The following KDM3A variants were observed in gnomAD, a reference collection of about 807,000 sequenced individuals.
KDM3A encodes the protein lysine demethylase 3A.
Under a neutral mutation model 158.0 loss-of-function variants are expected in KDM3A, and 60 were observed. The ratio of observed to expected loss-of-function variants is 0.38; its 90% CI spans 0.31 to 0.47. The LOEUF is 0.47. KDM3A is among the 20% of genes least tolerant of loss of function. The probability of loss-of-function intolerance (pLI) is 0.99; values close to 1 mark genes in which losing one functional copy is unlikely to be tolerated. For synonymous variants in KDM3A, 608 were observed against 549.3 expected (o/e 1.11, Z -1.49); for missense variants, 1,319 against 1,574.3 (o/e 0.84, Z 2.74).
intron 2 of KDM3A, among the ~76,000 whole-genome samples, chr2:86,442,983 C>G (rs1049775241): frequency 6.6e-6 from 1 of 152,090 alleles, no homozygotes; most frequent in South Asian, 2.1e-4. Flanking sequence ...GAACCTTTTT[C>G]TGTTAGATCT....
In KDM3A at chr2:86,489,346, T is replaced by A; in HGVS notation, c.3342T>A (p.Tyr1114Ter). Residue 1114 changes from tyrosine to a stop codon, truncating the protein, a stop_gained, in exon 22 of 26, where the codon TAT becomes TAA. Transcript: ENST00000312912. LOFTEE classifies it high-confidence loss of function. The part of the protein sequence containing the change: ...YGLITPEDRK[Y>*]GTTNLHLDVS... Reference sequence around the variant, plus strand: ...TAATCACTCCTGAAGATCGGAAATATGGAACAACAAATCTTCACTTAGATG... The same window carrying A: ...TAATCACTCCTGAAGATCGGAAATAAGGAACAACAAATCTTCACTTAGATG... The A allele has an allele frequency of 6.2e-7, 1 of 1,613,910 alleles. No individual in the cohort carries two copies. The highest frequency in any genetic ancestry group is 8.5e-7 in the Non-Finnish European group (1 of 1,179,908).
chr2:86,441,971 C>T (rs529431175), intron 1 of KDM3A, 47 bp from the exon 2 acceptor site: 76 of 1,525,758 alleles, frequency 5.0e-5, no homozygotes, highest in Non-Finnish European at 6.2e-5. Flanking sequence ...CGCCCGGCCC[C>T]CTCCCACCGG....
Position 86,478,695 on chromosome 2 carries a change from A to G in KDM3A, c.2276A>G (p.Lys759Arg). The G allele has an allele frequency of 6.2e-7, 1 of 1,614,150 alleles. No individual in the cohort carries two copies. The highest frequency in any genetic ancestry group is 8.5e-7 in the Non-Finnish European group (1 of 1,179,972). Residue 759 changes from lysine (K) to arginine (R), a missense_variant, in exon 15 of 26, where the codon AAA (lysine) becomes AGA (arginine). Around this residue, in one of 4 missense-constraint regions of KDM3A, gnomAD observed 368 missense variants for 415.8 expected, o/e 0.89. Coordinates refer to ENST00000312912, the MANE Select transcript of KDM3A (RefSeq NM_018433.6). Reference protein sequence around the residue: ...ANCPCSNRQFKLFSKPASKED... With the variant: ...ANCPCSNRQFRLFSKPASKED... ...TGCCCTTGTTCAAACAGGCAATTCA[A>G]ACTCTTTTCAAAGCCAGCCTCAAAG...
intron 4 of KDM3A, among the ~76,000 whole-genome samples, chr2:86,453,832 T>C (rs748824029): frequency 3.9e-5 from 6 of 152,130 alleles, no homozygotes; most frequent in African/African-American, 2.4e-5. Context: ...GTGGGAAAAA[T>C]GGATGACCCA....
intron 8 of KDM3A, among the ~76,000 whole-genome samples, chr2:86,460,267 C>A (rs1045526162): frequency 6.6e-6 from 1 of 152,274 alleles, no homozygotes; most frequent in African/African-American, 2.4e-5. Context: ...CTTGTAGCCT[C>A]CTTGATTCCC....
chr2:86,490,850 T>C (rs777476744), intron 23 of KDM3A, 31 bp from the exon 24 acceptor site: 1 of 1,574,268 alleles, frequency 6.4e-7, no homozygotes, highest in Non-Finnish European at 8.7e-7. Flanking sequence ...AGCATGTTAC[T>C]GAGTTGCATA....
At chr2:86,446,474 G>T (rs377743849) in intron 2 of KDM3A, among the ~76,000 whole-genome samples, 1 of 152,144 alleles carries the variant, frequency 6.6e-6, no homozygotes, top group Non-Finnish European at 1.5e-5. Context: ...AGGCCAAGAC[G>T]GGTGGATCAT....
chr2:86,486,178 A>G (rs2104708637), intron 21 of KDM3A, among the ~76,000 whole-genome samples: 1 of 152,308 alleles, frequency 6.6e-6, no homozygotes, highest in South Asian at 2.1e-4. Context: ...GAGAGAATGT[A>G]CTTTTATTAG....
chr2:86,444,276 T>G (rs1172553648), intron 2 of KDM3A, among the ~76,000 whole-genome samples: 1 of 152,198 alleles, frequency 6.6e-6, no homozygotes, highest in Non-Finnish European at 1.5e-5. Flanking sequence ...CCACTGCACT[T>G]TGGTGCCTAA....
At chr2:86,442,327 G>C (rs1040112498) in intron 2 of KDM3A, 94 bp downstream of exon 2, 32 of 1,220,728 alleles carry the variant, frequency 2.6e-5, no homozygotes, top group Non-Finnish European at 3.7e-5. Context: ...TGAAAACGGA[G>C]ACCAGAAAGT....
chr2:86,464,183 C>T lies in KDM3A; in HGVS notation c.974C>T (p.Ser325Phe), dbSNP rs200618359. The T allele has an allele frequency of 4.9e-5, 79 of 1,609,538 alleles. No homozygotes were observed. In the East Asian group the frequency reaches 1.3e-3, roughly 26 times the overall value. ...RQQSTPQAAN[S>F]PPNLGAKIPQ... is the part of the protein sequence containing the mutation. ...CAAAGTACTCCCCAGGCTGCCAACT[C>T]TCCACCTAACCTTGGAGCAAAAATT... Residue 325 changes from serine (S) to phenylalanine (F), a missense_variant, in exon 9 of 26, where the codon TCT (serine) becomes TTT (phenylalanine). Around this residue, in one of 4 missense-constraint regions of KDM3A, gnomAD observed 652 missense variants for 627.2 expected, o/e 1.04. Transcript: ENST00000312912.
chr2:86,491,413 C>T (rs778735622), intron 25 of KDM3A, 138 bp downstream of exon 25: 9 of 757,070 alleles, frequency 1.2e-5, no homozygotes, highest in Non-Finnish European at 1.8e-5. Flanking sequence ...TGCTTTATAT[C>T]TAGTACTACT....
Position 86,456,481 on chromosome 2 carries a change from G to A in KDM3A, c.596G>A (p.Ser199Asn). 6.3e-7 allele frequency: 1 copy of A among 1,576,572 alleles called. No individual in the cohort carries two copies. The change falls in exon 6 of 26, where the codon AGC (serine) becomes AAC (asparagine). Residue 199 changes from serine to asparagine, a missense_variant. Around this residue, in one of 4 missense-constraint regions of KDM3A, gnomAD observed 652 missense variants for 627.2 expected, o/e 1.04. Transcript: ENST00000312912. ...GTTGGTTCAGAAGTAAAAATTTATA[G>A]CTTGGACCCATCTACTCAGTGGTTT... ...NLVGSEVKIY[S>N]LDPSTQWFSA...
In KDM3A at chr2:86,482,630, G is replaced by T. The variant is rs2104701663; in HGVS notation, c.2858G>T (p.Cys953Phe). Reference protein sequence around the residue: ...HYWLCDNRLLCLQDPNNKSNW... With the variant: ...HYWLCDNRLLFLQDPNNKSNW... ...TGGCTTTGTGATAATCGCTTGCTGT[G>T]CTTGCAAGACCCCAACAATAAGAGC... The change falls in exon 18 of 26, where the codon TGC (cysteine) becomes TTC (phenylalanine). Residue 953 changes from cysteine (C) to phenylalanine (F), a missense_variant. Around this residue, in one of 4 missense-constraint regions of KDM3A, gnomAD observed 368 missense variants for 415.8 expected, o/e 0.89. Coordinates refer to ENST00000312912, the MANE Select transcript of KDM3A (RefSeq NM_018433.6). The T allele has an allele frequency of 6.2e-7, 1 of 1,614,094 alleles. No homozygotes were observed. The highest frequency in any genetic ancestry group is 2.2e-5 in the East Asian group (1 of 44,864).
intron 11 of KDM3A, 75 bp from the exon 12 acceptor site, chr2:86,474,701 T>TTTGTGTGTGTGTGTGTGTGTGTGTG (rs1553396793): frequency 2.5e-6 from 1 of 399,898 alleles, no homozygotes; most frequent in East Asian, 4.3e-5. Context: ...TGTAAATAAG[T>TTTGTGTGTGTGTGTGTGTGTGTGTG]TGTGTGTGTG....
rs1407235188 is a variant in KDM3A, at chr2:86,492,706, T to G, written c.*587T>G. 1 of 152,460 alleles carries G rather than the reference T, an allele frequency of 6.6e-6. No individual in the cohort carries two copies. Among genetic ancestry groups the G allele is most frequent in the African/African-American group, 2.4e-5 (1 of 41,452 alleles). 9.4% of individuals were successfully genotyped at this position (152,460 alleles called of 1,614,324 possible). On this transcript the variant is annotated 3_prime_UTR_variant, in exon 26 of 26. Coordinates refer to ENST00000312912, the MANE Select transcript of KDM3A (RefSeq NM_018433.6). ...GTGTTAAGCATTTTGCATTAAAATA[T>G]TCATATAATATTTTGGCTCAGTTTA...
At chr2:86,447,913 T>G (rs1343696947) in intron 2 of KDM3A, among the ~76,000 whole-genome samples, 1 of 152,060 alleles carries the variant, frequency 6.6e-6, no homozygotes, top group Admixed American at 6.6e-5. Flanking sequence ...GGGTTTGAGG[T>G]TGATGTGAAT....
At chr2:86,449,456 A>G (rs531523217) in intron 2 of KDM3A, among the ~76,000 whole-genome samples, 64 of 152,304 alleles carry the variant, frequency 4.2e-4, no homozygotes, top group Non-Finnish European at 7.6e-4. Context: ...TTGAGTTTCA[A>G]ATTTTTGTCT....
Position 86,490,883 on chromosome 2 carries a change from A to G in KDM3A, c.3576A>G (p.Val1192=), listed in dbSNP as rs1374849850. 6.2e-7 allele frequency: 1 copy of G among 1,609,004 alleles called. No homozygotes were observed. Among genetic ancestry groups the G allele is most frequent in the Admixed American group, 1.7e-5 (1 of 59,048 alleles). ...ATAATATTTTGAATGTATTCTAGGT[A>G]TCAGAAGAGCAAGGTCAAGAAAACC... is the stretch of plus-strand genomic sequence containing the variant. The part of the protein sequence containing the change: ...TEKIREFLKK[V]SEEQGQENPA... The change falls in exon 24 of 26, where the codon GTA becomes GTG. Residue 1192 remains valine (V), a splice_region_variant and synonymous_variant. Coordinates refer to ENST00000312912, the MANE Select transcript of KDM3A (RefSeq NM_018433.6).
Sources: gnomAD v4.1 joint callset for allele counts (sites outside exome capture counted in the v4.1 genomes callset) on GRCh38, gnomAD v4.1.1 for gene constraint, gnomAD v4.1.1 regional missense constraint, MANE v1.5 for transcripts, NCBI Gene and HGNC (gene_info 2026-07-23, HGNC 2026-07-21) for gene names.